TEX11: variants seen among roughly 807,000 people sequenced by gnomAD.
TEX11 encodes testis-expressed protein 11.
In TEX11, 7 loss-of-function variants were observed where a neutral mutation model predicts 84.4. The observed-to-expected ratio is 0.08, with a 90% CI of 0.05 to 0.16. The LOEUF is 0.16. TEX11 is among the 10% of genes least tolerant of loss of function. The pLI, the probability that TEX11 is intolerant of heterozygous loss-of-function variation, is 1.00. For synonymous variants in TEX11, 264 were observed against 222.8 expected (o/e 1.18, Z -1.64); for missense variants, 551 against 660.5 (o/e 0.83, Z 1.82).
intron 9 of TEX11, among the ~76,000 whole-genome samples, chrX:70,757,799 A>G (rs771483920): frequency 2.1e-4 from 23 of 111,984 alleles, no homozygotes; most frequent in Non-Finnish European, 3.4e-4. Flanking sequence ...AATGAGCTGA[A>G]TACCCCAATT....
chrX:70,512,539 T>A, the TEX11 span, among the ~76,000 whole-genome samples: 1 of 108,335 alleles, frequency 9.2e-6, no homozygotes, highest in Non-Finnish European at 1.9e-5. Flanking sequence ...AGCATTTCCT[T>A]ATTCCCTCCT....
chrX:70,862,980 G>A (rs1410619866), intron 4 of TEX11, among the ~76,000 whole-genome samples: 2 of 109,894 alleles, frequency 1.8e-5, no homozygotes, highest in African/African-American at 3.3e-5. Context: ...GCGACAAAGC[G>A]GCTGTGGCCA....
chrX:70,671,910 T>TACACAC (rs58178363), intron 15 of TEX11, among the ~76,000 whole-genome samples: 29 of 67,883 alleles, frequency 4.3e-4, no homozygotes, highest in South Asian at 1.0e-3. Context: ...TATATATATA[T>TACACAC]ACACACACAC....
chrX:70,644,543 T>C (rs78036194), intron 17 of TEX11, among the ~76,000 whole-genome samples: 4 of 106,695 alleles, frequency 3.7e-5, no homozygotes, highest in South Asian at 8.7e-4. Context: ...CAATGATAGA[T>C]TGGATTAAGA....
chrX:70,553,207 T>C, intron 27 of TEX11, 99 bp downstream of exon 27: 1 of 484,881 alleles, frequency 2.1e-6, no homozygotes, highest in Non-Finnish European at 3.4e-6. Flanking sequence ...CATCCCCATA[T>C]CATCTTTAAA....
At chrX:70,678,571 T>C (rs1256353152) in intron 15 of TEX11, among the ~76,000 whole-genome samples, 2 of 110,543 alleles carry the variant, frequency 1.8e-5, no homozygotes, top group African/African-American at 6.6e-5. Flanking sequence ...ATATCAGCGA[T>C]GACATTTCCC....
At chrX:70,559,907 T>G (rs982900079) in intron 25 of TEX11, among the ~76,000 whole-genome samples, 1 of 111,677 alleles carries the variant, frequency 9.0e-6, no homozygotes, top group African/African-American at 3.2e-5. Context: ...TAGAAACATG[T>G]TTGGTTTTAG....
chrX:70,869,267 T>C (rs1261585161), intron 4 of TEX11, among the ~76,000 whole-genome samples: 1 of 108,941 alleles, frequency 9.2e-6, no homozygotes, highest in Non-Finnish European at 1.9e-5. Flanking sequence ...TCTCAACTTA[T>C]TCCTTCTTCT....
At chrX:70,646,637 C>G (rs2089745589) in intron 17 of TEX11, among the ~76,000 whole-genome samples, 1 of 112,019 alleles carries the variant, frequency 8.9e-6, no homozygotes, top group Admixed American at 9.5e-5. Context: ...TGTCTAACAT[C>G]ACTACTCATC....
chrX:70,619,936 G>A (rs1288046917), intron 20 of TEX11, among the ~76,000 whole-genome samples: 6 of 109,318 alleles, frequency 5.5e-5, no homozygotes, highest in Non-Finnish European at 9.5e-5. Flanking sequence ...AGCCTCCCGA[G>A]TAGCTGGGAC....
chrX:70,786,086 T>C (rs1312588427), intron 9 of TEX11, among the ~76,000 whole-genome samples: 3 of 112,025 alleles, frequency 2.7e-5, no homozygotes, highest in Non-Finnish European at 5.6e-5. Context: ...CCATCAATGA[T>C]AGACTGGATT....
At chrX:70,575,832 C>T (rs1299722500) in intron 25 of TEX11, among the ~76,000 whole-genome samples, 6 of 111,675 alleles carry the variant, frequency 5.4e-5, no homozygotes, top group Admixed American at 9.6e-5. Context: ...TTGATTCCTA[C>T]CATTAAAATT....
At chrX:70,817,626 G>C (rs1448078369) in intron 8 of TEX11, among the ~76,000 whole-genome samples, 1 of 110,883 alleles carries the variant, frequency 9.0e-6, no homozygotes, top group African/African-American at 3.3e-5. Flanking sequence ...AGTAGTTGCA[G>C]TGAGCCAAGA....
chrX:70,837,278 G>A (rs1181836299), intron 7 of TEX11, among the ~76,000 whole-genome samples: 1 of 111,101 alleles, frequency 9.0e-6, no homozygotes, highest in Non-Finnish European at 1.9e-5. Flanking sequence ...AGAGAACAGG[G>A]CTTGGCACGT....
chrX:70,745,625 T>C (rs891797169), intron 9 of TEX11, among the ~76,000 whole-genome samples: 8 of 111,598 alleles, frequency 7.2e-5, no homozygotes, highest in African/African-American at 2.6e-4. Context: ...TCTCAGCTAC[T>C]TGGGAGACTG....
intron 7 of TEX11, among the ~76,000 whole-genome samples, chrX:70,850,900 T>A (rs1232567581): frequency 9.0e-6 from 1 of 111,389 alleles, no homozygotes. Flanking sequence ...CAAAACCTTG[T>A]CTCTACAAAA....
intron 25 of TEX11, among the ~76,000 whole-genome samples, chrX:70,566,616 G>C (rs2088484293): frequency 9.0e-6 from 1 of 111,259 alleles, no homozygotes; most frequent in Non-Finnish European, 1.9e-5. Context: ...AGCATGAAGG[G>C]TTGTTGAATT....
At chrX:70,569,514 G>GT (rs2088554358) in intron 25 of TEX11, among the ~76,000 whole-genome samples, 1 of 111,423 alleles carries the variant, frequency 9.0e-6, no homozygotes, top group South Asian at 3.8e-4. Flanking sequence ...TTTCTGCTCT[G>GT]TTTTTTCCCC....
At chrX:70,654,420 A>G (rs1346481292) in intron 16 of TEX11, among the ~76,000 whole-genome samples, 3 of 111,299 alleles carry the variant, frequency 2.7e-5, no homozygotes, top group Admixed American at 9.6e-5. Flanking sequence ...GATAGAAATG[A>G]CAAATAGAAG....
Sources: gnomAD v4.1 joint callset for allele counts (sites outside exome capture counted in the v4.1 genomes callset) on GRCh38, gnomAD v4.1.1 for gene constraint, MANE v1.5 for transcripts, NCBI Gene and HGNC (gene_info 2026-07-23, HGNC 2026-07-21) for gene names.